The following PPP3CA variants were observed in gnomAD, a reference collection of about 807,000 sequenced individuals.
PPP3CA encodes the protein protein phosphatase 3 catalytic subunit alpha.
Under a neutral mutation model 66.5 loss-of-function variants are expected in PPP3CA, and 14 were observed. The ratio of observed to expected loss-of-function variants is 0.21; its 90% CI spans 0.14 to 0.33. PPP3CA has a LOEUF of 0.33. Ranked by LOEUF, PPP3CA falls within the 10% of genes least tolerant of loss-of-function variation. The pLI is 1.00. For missense variants in PPP3CA, 317 were observed against 639.5 expected, an observed-to-expected ratio of 0.50 and a Z score of 5.44; for synonymous variants, 232 against 226.2, an observed-to-expected ratio of 1.03 and a Z score of -0.23.
intron 6 of PPP3CA, among the ~76,000 whole-genome samples, chr4:101,086,510 A>C (rs1393348565): frequency 6.6e-6 from 1 of 152,154 alleles, no homozygotes; most frequent in Non-Finnish European, 1.5e-5. Flanking sequence ...AAGACTCTTT[A>C]GCCATGACAT....
At chr4:101,055,994 T>C (rs1472843822) in intron 10 of PPP3CA, among the ~76,000 whole-genome samples, 1 of 152,152 alleles carries the variant, frequency 6.6e-6, no homozygotes. Context: ...TATATTTGCT[T>C]ATTAGTGTTT....
At chr4:101,097,352 G>T (rs1246496504) in intron 5 of PPP3CA, among the ~76,000 whole-genome samples, 1 of 151,912 alleles carries the variant, frequency 6.6e-6, no homozygotes, top group African/African-American at 2.4e-5. Flanking sequence ...ATTTTCTTAG[G>T]TCTCTAAAAG....
intron 1 of PPP3CA, among the ~76,000 whole-genome samples, chr4:101,238,217 A>C (rs919408266): frequency 1.3e-5 from 2 of 152,072 alleles, no homozygotes; most frequent in African/African-American, 4.8e-5. Flanking sequence ...AGATGCACAA[A>C]TATGCTTAAA....
chr4:101,088,745 G>A (rs989986739), intron 6 of PPP3CA, among the ~76,000 whole-genome samples: 9 of 152,018 alleles, frequency 5.9e-5, no homozygotes, highest in Non-Finnish European at 7.4e-5. Context: ...GAAGAGGGAC[G>A]ATACTAATGA....
At chr4:101,026,981 A>C (rs192888194) in intron 13 of PPP3CA, among the ~76,000 whole-genome samples, 1 of 152,328 alleles carries the variant, frequency 6.6e-6, no homozygotes, top group Non-Finnish European at 1.5e-5. Flanking sequence ...TCAAAGTGGG[A>C]ATGATATTTG....
intron 2 of PPP3CA, among the ~76,000 whole-genome samples, chr4:101,134,387 C>T (rs1002134588): frequency 4.6e-5 from 7 of 151,924 alleles, no homozygotes; most frequent in African/African-American, 1.7e-4. Flanking sequence ...CTTAAATTTA[C>T]AAGAAAAAAA....
In PPP3CA at chr4:101,303,185, T is replaced by C. The variant is rs145956646; in HGVS notation, c.58+43554A>G. ...ACATTGTTCAAAAAATGTGTAATTC[T>C]GACTCATTTCAAAATAGCATGTTTC... is the stretch of plus-strand genomic sequence containing the variant. On this transcript the variant is annotated intron_variant, in intron 1 of 13. Coordinates refer to ENST00000394854, the MANE Select transcript of PPP3CA (RefSeq NM_000944.5). Among the ~76,000 whole-genome samples, 4 of 152,328 alleles carry C rather than the reference T, an allele frequency of 2.6e-5. No individual in the cohort carries two copies. In the East Asian group the frequency reaches 7.7e-4, roughly 29 times the overall value.
At chr4:101,256,541 A>G (rs868762854) in intron 1 of PPP3CA, among the ~76,000 whole-genome samples, 29 of 152,160 alleles carry the variant, frequency 1.9e-4, no homozygotes, top group Admixed American at 7.9e-4. Flanking sequence ...CTGCCTGCTC[A>G]CTACTGTTAG....
chr4:101,229,573 C>A (rs1467805035), intron 1 of PPP3CA, among the ~76,000 whole-genome samples: 1 of 151,494 alleles, frequency 6.6e-6, no homozygotes, highest in African/African-American at 2.4e-5. Context: ...CAAAAGTAAA[C>A]CCTGACTTGA....
At chr4:101,088,829 G>C (rs17232534) in intron 6 of PPP3CA, among the ~76,000 whole-genome samples, 11,622 of 152,148 alleles carry the variant, frequency 0.076, 591 homozygotes, top group Non-Finnish European at 0.11. Context: ...GTGGGAAAGA[G>C]GAAAGGCAGC....
At position 101,048,509 on chromosome 4, in the gene PPP3CA, C is replaced by CAAAAAAAA. The variant is rs59988569; in HGVS notation, c.1157-7951_1157-7944dup. ...CCAGAGATTGTTTGCTTTCTCTCACCAAAAAAAAAAAAAAAAAAAAAAAAA... is the reference window on the plus strand; with the variant it reads ...CCAGAGATTGTTTGCTTTCTCTCACCAAAAAAAAAAAAAAAAAAAAAAAAAAAAAAAAA... On this transcript the variant is annotated intron_variant, in intron 10 of 13. Transcript: ENST00000394854. Among the ~76,000 whole-genome samples, 7 of 66,326 alleles carry CAAAAAAAA rather than the reference C, an allele frequency of 1.1e-4. 1 individual carries two copies. In the Admixed American group the frequency reaches 1.3e-3, roughly 12 times the overall value. The allele number at this position is 66,326 out of a possible 152,430, so 43.5% of individuals were successfully genotyped here. A position where few individuals can be genotyped will look rare whatever the true frequency, so the allele number is the denominator to read the frequency against.
chr4:101,262,089 A>G (rs1727027247), intron 1 of PPP3CA, among the ~76,000 whole-genome samples: 1 of 152,110 alleles, frequency 6.6e-6, no homozygotes, highest in South Asian at 2.1e-4. Flanking sequence ...GGTAAATACA[A>G]AGACCGATTT....
intron 10 of PPP3CA, among the ~76,000 whole-genome samples, chr4:101,056,727 A>G (rs948590006): frequency 2.0e-5 from 3 of 152,006 alleles, no homozygotes; most frequent in Non-Finnish European, 4.4e-5. Flanking sequence ...GAGCCTGGCA[A>G]GCAGCAGGAG....
intron 1 of PPP3CA, among the ~76,000 whole-genome samples, chr4:101,279,927 T>C (rs578115375): frequency 6.6e-6 from 1 of 152,306 alleles, no homozygotes; most frequent in East Asian, 1.9e-4. Flanking sequence ...TTATCTAAAG[T>C]GAAGTTTCAA....
intron 1 of PPP3CA, among the ~76,000 whole-genome samples, chr4:101,256,655 T>A (rs1387232460): frequency 6.6e-6 from 1 of 151,970 alleles, no homozygotes; most frequent in East Asian, 1.9e-4. Flanking sequence ...ATTGCAGAGT[T>A]TTAATGATGG....
intron 2 of PPP3CA, among the ~76,000 whole-genome samples, chr4:101,144,063 T>C (rs1447097852): frequency 1.3e-5 from 2 of 152,162 alleles, no homozygotes; most frequent in African/African-American, 4.8e-5. Context: ...AAATATTTAT[T>C]AAAATCCTAT....
At chr4:101,204,790 CTTAGAA>C (rs1307462017) in intron 1 of PPP3CA, among the ~76,000 whole-genome samples, 2 of 151,080 alleles carry the variant, frequency 1.3e-5, no homozygotes, top group African/African-American at 4.9e-5. Context: ...TTAGATTAAA[CTTAGAA>C]TTATAAATAT....
At chr4:101,281,293 G>A (rs1007620421) in intron 1 of PPP3CA, among the ~76,000 whole-genome samples, 5 of 152,228 alleles carry the variant, frequency 3.3e-5, no homozygotes, top group Non-Finnish European at 5.9e-5. Context: ...AAATGCAGCA[G>A]TAGCTGGATA....
intron 2 of PPP3CA, among the ~76,000 whole-genome samples, chr4:101,141,990 T>C (rs1722822863): frequency 6.6e-6 from 1 of 150,474 alleles, no homozygotes; most frequent in Non-Finnish European, 1.5e-5. Flanking sequence ...CAATGGAGGA[T>C]GATAGGAAAA....
Sources: gnomAD v4.1 joint callset for allele counts (sites outside exome capture counted in the v4.1 genomes callset) on GRCh38, gnomAD v4.1.1 for gene constraint, MANE v1.5 for transcripts, NCBI Gene and HGNC (gene_info 2026-07-23, HGNC 2026-07-21) for gene names.